DCHS2: variants seen among roughly 807,000 people sequenced by gnomAD.
DCHS2 encodes the protein dachsous cadherin-related 2.
DCHS2 carries 142 observed loss-of-function variants against 182.4 expected under a neutral mutation model. The ratio of observed to expected loss-of-function variants is 0.78; its 90% confidence interval spans 0.68 to 0.89. DCHS2 has a LOEUF of 0.89. Among genes scored for constraint, DCHS2 ranks in the 40% least tolerant of loss-of-function variants. The probability of loss-of-function intolerance (pLI) is 0.00; values close to 1 mark genes in which losing one functional copy is unlikely to be tolerated. For missense variants in DCHS2, 4,319 were observed against 4,198.6 expected (o/e 1.03, Z -0.79); for synonymous variants, 1,740 against 1,663.3 (o/e 1.05, Z -1.12).
chr4:154,388,042 ACT>A (rs1731494771), intron 1 of DCHS2, among the ~76,000 whole-genome samples: 1 of 152,230 alleles, frequency 6.6e-6, no homozygotes, highest in East Asian at 1.9e-4. Flanking sequence ...CTGAAAAGTA[ACT>A]CTGTGTTTAC....
chr4:154,340,090 CT>C (rs1237319055), intron 3 of DCHS2, among the ~76,000 whole-genome samples: 1 of 150,354 alleles, frequency 6.7e-6, no homozygotes, highest in Non-Finnish European at 1.5e-5. Flanking sequence ...TATTATTTAA[CT>C]TTTTTAGGAC....
chr4:154,477,628 A>C (rs528817116), intron 1 of DCHS2, among the ~76,000 whole-genome samples: 4 of 152,348 alleles, frequency 2.6e-5, no homozygotes, highest in African/African-American at 9.6e-5. Context: ...AGCAATTATC[A>C]AAGGAAATGT....
chr4:154,240,785 GA>G lies in DCHS2; in HGVS notation c.7110del (p.His2371MetfsTer5), dbSNP rs1384076736. On this transcript the variant is annotated frameshift_variant, in exon 18 of 20. Coordinates refer to ENST00000357232, the MANE Select transcript of DCHS2 (RefSeq NM_001358235.2). LOFTEE classifies it high-confidence loss of function. ...AAAGCTGAATTCAAATCCACATCATGAACTGACACATGAGTCACAATTACAC... is the reference window on the plus strand; with the variant it reads ...AAAGCTGAATTCAAATCCACATCATGACTGACACATGAGTCACAATTACAC... ...LPGVIVTHVS[V>X]HDVDLNSAFI... The G allele has an allele frequency of 1.1e-5, 18 of 1,613,670 alleles. No homozygotes were observed. Among genetic ancestry groups the G allele is most frequent in the Non-Finnish European group, 1.5e-5 (18 of 1,179,872 alleles).
intron 4 of DCHS2, 190 bp downstream of exon 4, chr4:154,334,678 C>T (rs1460622512): frequency 3.6e-6 from 2 of 550,014 alleles, no homozygotes; most frequent in African/African-American, 1.9e-5. Flanking sequence ...TTTTTGTGAT[C>T]AGAAAAAAAA....
At chr4:154,391,966 T>C (rs959684368) in intron 1 of DCHS2, among the ~76,000 whole-genome samples, 2 of 150,188 alleles carry the variant, frequency 1.3e-5, no homozygotes, top group African/African-American at 4.9e-5. Flanking sequence ...TGTTATTCTA[T>C]ATACTATATA....
chr4:154,301,972 A>G (rs1317853440), intron 12 of DCHS2, among the ~76,000 whole-genome samples: 3 of 152,328 alleles, frequency 2.0e-5, no homozygotes, highest in East Asian at 1.9e-4. Context: ...TCTTACAATC[A>G]TAATAATAAC....
chr4:154,489,866 AG>A lies in DCHS2; in HGVS notation c.1489del (p.Leu497TrpfsTer23). The A allele has an allele frequency of 1.3e-6, 2 of 1,545,868 alleles. No homozygotes were observed. Among genetic ancestry groups the A allele is most frequent in the South Asian group, 2.4e-5 (2 of 83,752 alleles). ...GVFFLCVEGP[L>X]DRESRDLYEL... ...ATACAGATCGCGGCTCTCTCTGTCC[AG>A]GGGCCCCTCCACGCAAAGGAAAAAT... On this transcript the variant is annotated frameshift_variant, in exon 1 of 20. Coordinates refer to ENST00000357232, the MANE Select transcript of DCHS2 (RefSeq NM_001358235.2). LOFTEE classifies it high-confidence loss of function.
At chr4:154,420,935 A>G (rs894794327) in intron 1 of DCHS2, among the ~76,000 whole-genome samples, 29 of 152,170 alleles carry the variant, frequency 1.9e-4, no homozygotes, top group African/African-American at 6.8e-4. Flanking sequence ...TAAACTAGTA[A>G]TTACCAAATT....
intron 1 of DCHS2, among the ~76,000 whole-genome samples, chr4:154,484,044 A>T (rs1236507204): frequency 6.6e-6 from 1 of 152,204 alleles, no homozygotes; most frequent in Non-Finnish European, 1.5e-5. Context: ...CGAGAGAGCC[A>T]GCATCTTTCC....
At chr4:154,340,378 A>G (rs562318896) in intron 3 of DCHS2, among the ~76,000 whole-genome samples, 1 of 152,344 alleles carries the variant, frequency 6.6e-6, no homozygotes, top group South Asian at 2.1e-4. Flanking sequence ...TATTCAAATT[A>G]CTAAAGTGTG....
intron 1 of DCHS2, among the ~76,000 whole-genome samples, chr4:154,452,147 A>G (rs940358803): frequency 1.3e-5 from 2 of 152,212 alleles, no homozygotes; most frequent in African/African-American, 4.8e-5. Context: ...GTTTGTGCCC[A>G]TGTTGATATA....
chr4:154,430,190 A>G (rs1380809723), intron 1 of DCHS2, among the ~76,000 whole-genome samples: 1 of 152,250 alleles, frequency 6.6e-6, no homozygotes, highest in Non-Finnish European at 1.5e-5. Flanking sequence ...CAGATGACAC[A>G]AATGTGAGTC....
Position 154,389,534 on chromosome 4 carries a change from A to T in DCHS2, c.2053-12090T>A, listed in dbSNP as rs1486306000. 1.4e-5 allele frequency among the ~76,000 whole-genome samples: 2 copies of T among 147,508 alleles called. 1 individual carries two copies. The highest frequency in any genetic ancestry group is 3.0e-5 in the Non-Finnish European group (2 of 66,320). On this transcript the variant is annotated intron_variant, in intron 1 of 19. Transcript: ENST00000357232. ...ACAAAGGTTATATATATATATATAT[A>T]TAACCTTTTTTTAAAGGACCTAAAC...
At chr4:154,433,394 C>CTTT (rs1553951910) in intron 1 of DCHS2, among the ~76,000 whole-genome samples, 5 of 48,826 alleles carry the variant, frequency 1.0e-4, no homozygotes, top group Admixed American at 5.2e-4. Flanking sequence ...TTTTTTTTTT[C>CTTT]CTTTTTTTTT....
chr4:154,378,520 A>AAGGAAGGAAGGAAGGAAG (rs1579025517), intron 1 of DCHS2, among the ~76,000 whole-genome samples: 2 of 64,106 alleles, frequency 3.1e-5, no homozygotes, highest in Admixed American at 1.7e-4. Context: ...AAGGAAGGAA[A>AAGGAAGGAAGGAAGGAAG]GAAGGAAGGA....
chr4:154,303,060 C>T (rs1390145176), intron 12 of DCHS2, among the ~76,000 whole-genome samples: 3 of 150,156 alleles, frequency 2.0e-5, no homozygotes, highest in East Asian at 4.0e-4. Context: ...CAGCTCACTG[C>T]AACCTCTGCC....
intron 13 of DCHS2, among the ~76,000 whole-genome samples, chr4:154,277,767 G>A (rs1193077906): frequency 2.0e-5 from 3 of 152,106 alleles, no homozygotes; most frequent in Non-Finnish European, 4.4e-5. Context: ...AGAACTGAGT[G>A]CAGTGGTTCA....
At chr4:154,281,163 A>T (rs1025838535) in intron 13 of DCHS2, among the ~76,000 whole-genome samples, 1 of 152,102 alleles carries the variant, frequency 6.6e-6, no homozygotes, top group Non-Finnish European at 1.5e-5. Flanking sequence ...TTAACACAGT[A>T]TACAAGTCCT....
chr4:154,433,315 A>G (rs1349435416), intron 1 of DCHS2, among the ~76,000 whole-genome samples: 4 of 151,282 alleles, frequency 2.6e-5, no homozygotes, highest in African/African-American at 9.7e-5. Flanking sequence ...CAGAGGGACC[A>G]TGGCCCTGCC....
Sources: gnomAD v4.1 joint callset for allele counts (sites outside exome capture counted in the v4.1 genomes callset) on GRCh38, gnomAD v4.1.1 for gene constraint, MANE v1.5 for transcripts, NCBI Gene and HGNC (gene_info 2026-07-23, HGNC 2026-07-21) for gene names.